Variants in FRYL observed in about 807,000 individuals in gnomAD.
FRYL encodes the protein FRY like transcription coactivator.
A neutral mutation model predicts 351.2 loss-of-function variants in FRYL; 150 were observed. The observed-to-expected ratio is 0.43, with a 90% CI of 0.37 to 0.49. The LOEUF is 0.49. Ranked by LOEUF, FRYL falls within the 20% of genes least tolerant of loss-of-function variation. The pLI, the probability that FRYL is intolerant of heterozygous loss-of-function variation, is 0.00. For missense variants in FRYL, 3,036 were observed against 3,619.3 expected (o/e 0.84, Z 4.13); for synonymous variants, 1,153 against 1,257.1 (o/e 0.92, Z 1.75).
intron 2 of FRYL, among the ~76,000 whole-genome samples, chr4:48,700,815 TAA>T (rs752255645): frequency 1.5e-5 from 2 of 136,496 alleles, no homozygotes; most frequent in South Asian, 2.4e-4. Context: ...AAAATTAAAT[TAA>T]AAAAAAAAAA....
intron 2 of FRYL, among the ~76,000 whole-genome samples, chr4:48,705,704 T>G (rs2149583239): frequency 6.6e-6 from 1 of 152,332 alleles, no homozygotes; most frequent in East Asian, 1.9e-4. Context: ...GATAATGAAC[T>G]TAATTGTATA....
intron 1 of FRYL, among the ~76,000 whole-genome samples, chr4:48,746,599 C>A (rs1285117537): frequency 6.6e-6 from 1 of 151,862 alleles, no homozygotes; most frequent in East Asian, 1.9e-4. Context: ...TCTGCAAATT[C>A]TTCGACACTC....
intron 3 of FRYL, among the ~76,000 whole-genome samples, chr4:48,672,861 G>A (rs1762955287): frequency 6.6e-6 from 1 of 152,176 alleles, no homozygotes; most frequent in African/African-American, 2.4e-5. Context: ...TAAAAAGAAA[G>A]TGGCCTGTCA....
In FRYL at chr4:48,549,389, T is replaced by G; in HGVS notation, c.4784+84A>C. ...TCCATAAAGAAGATTGCTTTCATTC[T>G]GTGTTGTCAGATAGCACAAAGAAAG... On this transcript the variant is annotated intron_variant, in intron 39 of 63. Transcript: ENST00000358350. The surrounding 1 kb of genome is among the most constrained non-coding windows in gnomAD (Gnocchi z 4.2). 1 of 1,241,104 alleles carries G rather than the reference T, an allele frequency of 8.1e-7. No individual in the cohort carries two copies. Among genetic ancestry groups the G allele is most frequent in the Non-Finnish European group, 1.1e-6 (1 of 901,598 alleles). The allele number at this position is 1,241,104 out of a possible 1,614,324, so 76.9% of individuals were successfully genotyped here.
intron 2 of FRYL, among the ~76,000 whole-genome samples, chr4:48,685,766 T>C (rs1387453121): frequency 6.6e-6 from 1 of 152,176 alleles, no homozygotes; most frequent in Non-Finnish European, 1.5e-5. Flanking sequence ...TTGGCTTTTT[T>C]TTTTTTGACG....
chr4:48,691,290 T>C, intron 2 of FRYL, among the ~76,000 whole-genome samples: 1 of 152,190 alleles, frequency 6.6e-6, no homozygotes, highest in Non-Finnish European at 1.5e-5. Flanking sequence ...TTCATTGTAC[T>C]ATTATTCCTA....
intron 1 of FRYL, among the ~76,000 whole-genome samples, chr4:48,756,180 C>A (rs1018510855): frequency 1.1e-4 from 16 of 150,932 alleles, no homozygotes; most frequent in Non-Finnish European, 1.9e-4. Flanking sequence ...CTGCAGTGAG[C>A]CAAGATTGCA....
chr4:48,724,397 T>C (rs1578840028), intron 1 of FRYL, among the ~76,000 whole-genome samples: 1 of 152,260 alleles, frequency 6.6e-6, no homozygotes, highest in Admixed American at 6.5e-5. Flanking sequence ...GCTTGCTCCC[T>C]CCCTTTGTTC....
chr4:48,772,364 C>A (rs1775601779), intron 1 of FRYL, among the ~76,000 whole-genome samples: 1 of 151,976 alleles, frequency 6.6e-6, no homozygotes, highest in Non-Finnish European at 1.5e-5. Context: ...CCAGCCTGGG[C>A]AACAGAGCAA....
At chr4:48,740,289 ATTTTTTTTTT>A (rs71191255) in intron 1 of FRYL, among the ~76,000 whole-genome samples, 2 of 97,884 alleles carry the variant, frequency 2.0e-5, no homozygotes, top group Non-Finnish European at 3.9e-5. Context: ...AAACAATCTG[ATTTTTTTTTT>A]TTTTTTTTTT....
At position 48,604,789 on chromosome 4, in the gene FRYL, A is replaced by C. The variant is rs1332839236; in HGVS notation, c.834+952T>G. ...GCAGGCTAATAAACCTGGACACAAA[A>C]GCAAATATGGTATAAAAGAATCAGG... On this transcript the variant is annotated intron_variant, in intron 11 of 63. Coordinates refer to ENST00000358350, the MANE Select transcript of FRYL (RefSeq NM_015030.2). Among the ~76,000 whole-genome samples the C allele has an allele frequency of 5.9e-5, 9 of 152,326 alleles. No homozygotes were observed. In the East Asian group the frequency reaches 1.7e-3, roughly 29 times the overall value.
intron 3 of FRYL, among the ~76,000 whole-genome samples, chr4:48,648,565 G>T (rs2149420878): frequency 6.6e-6 from 1 of 152,274 alleles, no homozygotes; most frequent in South Asian, 2.1e-4. Flanking sequence ...TTGGGTGTGA[G>T]ATTTTCTGGG....
At chr4:48,689,803 T>C (rs1578732474) in intron 2 of FRYL, among the ~76,000 whole-genome samples, 1 of 152,148 alleles carries the variant, frequency 6.6e-6, no homozygotes, top group African/African-American at 2.4e-5. Flanking sequence ...AATCCAACCA[T>C]TAATTATGGA....
intron 1 of FRYL, among the ~76,000 whole-genome samples, chr4:48,746,898 T>G (rs114875150): frequency 2.8e-3 from 419 of 152,346 alleles, no homozygotes; most frequent in South Asian, 8.7e-3. Flanking sequence ...ATAGTCTGAC[T>G]GTAGCTTTGC....
At chr4:48,779,171 G>C (rs1434179317) in intron 1 of FRYL, among the ~76,000 whole-genome samples, 1 of 152,200 alleles carries the variant, frequency 6.6e-6, no homozygotes, top group Non-Finnish European at 1.5e-5. Flanking sequence ...TCTCCAGAAC[G>C]CAGGAAACCA....
chr4:48,507,761 T>A (rs1006671627), intron 59 of FRYL, among the ~76,000 whole-genome samples: 11 of 152,070 alleles, frequency 7.2e-5, no homozygotes, highest in African/African-American at 2.7e-4. Flanking sequence ...AGGGCCAATA[T>A]CCTGGAGAAA....
intron 3 of FRYL, chr4:48,653,982 G>A (rs1357422859): frequency 9.1e-7 from 1 of 1,098,626 alleles, no homozygotes; most frequent in Non-Finnish European, 1.2e-6. Flanking sequence ...TAGTGGAAAT[G>A]CCGCTGAATG....
chr4:48,557,188 A>T (rs890227052), intron 34 of FRYL, 70 bp from the exon 35 acceptor site: 18 of 1,509,570 alleles, frequency 1.2e-5, no homozygotes, highest in Non-Finnish European at 1.5e-5. Context: ...TTGTCATACC[A>T]TGAAATATTA....
chr4:48,527,555 C>T lies in FRYL; in HGVS notation c.7239G>A (p.Val2413=). 7 of 1,613,152 alleles carry T rather than the reference C, an allele frequency of 4.3e-6. No homozygotes were observed. The highest frequency in any genetic ancestry group is 5.9e-6 in the Non-Finnish European group (7 of 1,179,438). The change falls in exon 53 of 64, where the codon GTG becomes GTA. Residue 2413 remains valine, a synonymous_variant. Transcript: ENST00000358350. Reference sequence around the variant, plus strand: ...ACTGTTGTTCACTGCTATTATCTTCCACAGCTACTTCTTCCTCTTGATTTA... The same window carrying T: ...ACTGTTGTTCACTGCTATTATCTTCTACAGCTACTTCTTCCTCTTGATTTA... ...EDINQEEEVA[V]EDNSSEQQFG...
Sources: gnomAD v4.1 joint callset for allele counts (sites outside exome capture counted in the v4.1 genomes callset) on GRCh38, gnomAD v4.1.1 for gene constraint, Gnocchi (gnomAD v3.1) non-coding constraint, MANE v1.5 for transcripts, NCBI Gene and HGNC (gene_info 2026-07-23, HGNC 2026-07-21) for gene names.